SMARCC1: variants seen among roughly 807,000 people sequenced by gnomAD.
SMARCC1 encodes the protein SWI/SNF related BAF chromatin remodeling complex subunit C1.
Under a neutral mutation model 147.4 loss-of-function variants are expected in SMARCC1, and 43 were observed. The observed-to-expected ratio is 0.29, with a 90% confidence interval of 0.23 to 0.38. The LOEUF (loss-of-function observed/expected upper bound fraction) is 0.38. Among genes scored for constraint, SMARCC1 ranks in the 10% least tolerant of loss-of-function variants. The pLI is 1.00. For missense variants in SMARCC1, 1,119 were observed against 1,381.1 expected, an observed-to-expected ratio of 0.81 and a Z score of 3.01; for synonymous variants, 495 against 484.4, an observed-to-expected ratio of 1.02 and a Z score of -0.29.
intron 10 of SMARCC1, among the ~76,000 whole-genome samples, chr3:47,703,458 TATC>T (rs2033951195): frequency 1.0e-5 from 1 of 99,180 alleles, no homozygotes; most frequent in African/African-American, 2.9e-5. Flanking sequence ...ATTTATTTGT[TATC>T]ATTTTTTTTT....
At chr3:47,736,351 A>G (rs2034442620) in intron 4 of SMARCC1, among the ~76,000 whole-genome samples, 2 of 152,170 alleles carry the variant, frequency 1.3e-5, no homozygotes, top group Non-Finnish European at 2.9e-5. Flanking sequence ...GGTCTAATGT[A>G]GTGTTTTTAG....
At position 47,781,588 on chromosome 3, in the gene SMARCC1, G is replaced by C. The variant is rs774763715; in HGVS notation, c.195+15C>G. 7 of 1,510,922 alleles carry C rather than the reference G, an allele frequency of 4.6e-6. No individual in the cohort carries two copies. The highest frequency in any genetic ancestry group is 2.7e-5 in the East Asian group (1 of 36,536). 93.6% of individuals were successfully genotyped at this position (1,510,922 alleles called of 1,614,324 possible). ...GTCGCGTGGTCTCCCGGCCCCCACG[G>C]GCGCGCGAACCCACCTTCTTGTAGT... On this transcript the variant is annotated intron_variant, in intron 1 of 27. Transcript: ENST00000254480.
intron 2 of SMARCC1, among the ~76,000 whole-genome samples, chr3:47,751,140 C>T (rs748793554): frequency 2.3e-3 from 345 of 151,978 alleles, no homozygotes; most frequent in Non-Finnish European, 3.6e-3. Flanking sequence ...TTAGGTGATC[C>T]GCCCGCCTCA....
At position 47,710,692 on chromosome 3, in the gene SMARCC1, C is replaced by A. The variant is rs769060689; in HGVS notation, c.909G>T (p.Lys303Asn). 8.1e-6 allele frequency: 13 copies of A among 1,613,400 alleles called. No individual in the cohort carries two copies. In the Admixed American group the frequency reaches 2.2e-4, roughly 27 times the overall value. The change falls in exon 9 of 28, where the codon AAG becomes AAT. Residue 303 changes from lysine (K) to asparagine (N), a missense_variant. By Grantham distance (94) the Lys-to-Asn change is moderately conservative. This residue lies in a region of SMARCC1 where 542 missense variants were observed against 611.8 expected (regional missense o/e 0.89). Transcript: ENST00000254480. ...GTGCCAAAGAAAATACCTCTTCATTCTTGGTTGAAATCCGCTGACGAAAAC... is the reference window on the plus strand; with the variant it reads ...GTGCCAAAGAAAATACCTCTTCATTATTGGTTGAAATCCGCTGACGAAAAC... ...PVSFRQRIST[K>N]NEEPVRSPER... is the part of the protein sequence containing the mutation.
At chr3:47,710,590 TG>T in intron 9 of SMARCC1, 92 bp downstream of exon 9, 2 of 1,266,718 alleles carry the variant, frequency 1.6e-6, no homozygotes, top group Non-Finnish European at 2.2e-6. Context: ...AGTTCCTAAG[TG>T]GTTTGTATAT....
At chr3:47,775,799 A>T (rs2034967469) in intron 1 of SMARCC1, among the ~76,000 whole-genome samples, 1 of 151,726 alleles carries the variant, frequency 6.6e-6, no homozygotes, top group South Asian at 2.1e-4. Flanking sequence ...CTCTCAAAAA[A>T]TATAAAATAA....
intron 1 of SMARCC1, among the ~76,000 whole-genome samples, chr3:47,773,660 T>C (rs2034941402): frequency 6.6e-6 from 1 of 152,084 alleles, no homozygotes; most frequent in South Asian, 2.1e-4. Flanking sequence ...AGACAGAGTC[T>C]TGTTTTTCAC....
intron 1 of SMARCC1, among the ~76,000 whole-genome samples, chr3:47,778,190 C>CAA (rs762774696): frequency 2.8e-3 from 147 of 52,600 alleles, no homozygotes; most frequent in East Asian, 7.0e-3. Context: ...GACTCCATCT[C>CAA]AAAAAAAAAA....
intron 2 of SMARCC1, among the ~76,000 whole-genome samples, chr3:47,759,836 C>G (rs924574017): frequency 1.3e-5 from 2 of 151,776 alleles, no homozygotes; most frequent in Admixed American, 6.6e-5. Context: ...ACTCGGGAGG[C>G]TGACGCAGGA....
At chr3:47,776,315 T>C (rs1039018810) in intron 1 of SMARCC1, among the ~76,000 whole-genome samples, 1 of 152,020 alleles carries the variant, frequency 6.6e-6, no homozygotes, top group African/African-American at 2.4e-5. Flanking sequence ...AAAAAAATAA[T>C]GACCGGCTGT....
intron 21 of SMARCC1, among the ~76,000 whole-genome samples, chr3:47,641,813 T>C (rs1469632486): frequency 6.6e-6 from 1 of 152,234 alleles, no homozygotes; most frequent in East Asian, 1.9e-4. Context: ...GTCTCTGTAA[T>C]GCAGGTTGAA....
At chr3:47,598,576 T>A (rs2032335748) in intron 26 of SMARCC1, among the ~76,000 whole-genome samples, 1 of 152,064 alleles carries the variant, frequency 6.6e-6, no homozygotes, top group East Asian at 1.9e-4. Context: ...ATGCCTGTAA[T>A]CCCAGTACTT....
intron 10 of SMARCC1, among the ~76,000 whole-genome samples, chr3:47,701,950 A>G (rs1365804335): frequency 2.6e-5 from 4 of 152,142 alleles, no homozygotes; most frequent in Non-Finnish European, 4.4e-5. Flanking sequence ...ATCCTACTAG[A>G]CAATTGCGGG....
intron 7 of SMARCC1, among the ~76,000 whole-genome samples, chr3:47,715,658 C>T (rs1389830306): frequency 1.3e-5 from 2 of 152,208 alleles, no homozygotes; most frequent in East Asian, 3.8e-4. Context: ...ACACTTCCAA[C>T]TGCTCTCACC....
intron 2 of SMARCC1, among the ~76,000 whole-genome samples, chr3:47,752,618 C>T (rs971400744): frequency 6.6e-6 from 1 of 152,012 alleles, no homozygotes; most frequent in African/African-American, 2.4e-5. Context: ...GAGCGAAACC[C>T]TGTCTCTAGA....
At chr3:47,604,037 G>A (rs1253714046) in intron 26 of SMARCC1, 3 of 456,704 alleles carry the variant, frequency 6.6e-6, no homozygotes, top group African/African-American at 4.0e-5. Flanking sequence ...TGAATCAAAG[G>A]TAGGGGACAG....
chr3:47,645,234 TGAGCTG>T (rs1172455643), intron 21 of SMARCC1, among the ~76,000 whole-genome samples: 2 of 151,298 alleles, frequency 1.3e-5, no homozygotes, highest in African/African-American at 4.9e-5. Flanking sequence ...AAGCCTGCAC[TGAGCTG>T]TGTTCATGCC....
chr3:47,690,090 G>A (rs1194044150), intron 12 of SMARCC1, among the ~76,000 whole-genome samples: 4 of 152,142 alleles, frequency 2.6e-5, no homozygotes, highest in Non-Finnish European at 4.4e-5. Flanking sequence ...GTGCAGCAGT[G>A]CACATCTACA....
intron 4 of SMARCC1, among the ~76,000 whole-genome samples, chr3:47,736,366 G>A (rs183338474): frequency 2.6e-5 from 4 of 152,042 alleles, no homozygotes; most frequent in East Asian, 3.9e-4. Context: ...TTTTAGCTAC[G>A]GAAGGGATTA....
Sources: allele counts gnomAD v4.1 joint callset (sites outside exome capture counted in the v4.1 genomes callset), GRCh38; gene constraint gnomAD v4.1.1; regional missense constraint gnomAD v4.1.1; transcripts MANE v1.5; gene names NCBI Gene and HGNC (gene_info 2026-07-23, HGNC 2026-07-21).